The following NBAS variants were observed in gnomAD, a reference collection of about 807,000 sequenced individuals.
The protein encoded by NBAS is NAG/BC035112 fusion.
A neutral mutation model predicts 302.5 loss-of-function variants in NBAS; 219 were observed. That is an observed-to-expected ratio of 0.72 (90% CI 0.65 to 0.81). The LOEUF is 0.81. NBAS is among the 30% of genes least tolerant of loss of function. The pLI is 0.00. For missense variants in NBAS, 2,932 were observed against 2,841.6 expected (o/e 1.03, Z -0.72); for synonymous variants, 1,118 against 1,021.6 (o/e 1.09, Z -1.80).
intron 11 of NBAS, among the ~76,000 whole-genome samples, chr2:15,489,737 CTG>C (rs1199456876): frequency 6.6e-6 from 1 of 152,176 alleles, no homozygotes; most frequent in Non-Finnish European, 1.5e-5. Context: ...AATAACCTCT[CTG>C]TCTTTTCCTT....
At chr2:14,933,448 T>A in the NBAS span, among the ~76,000 whole-genome samples, 1 of 152,200 alleles carries the variant, frequency 6.6e-6, no homozygotes, top group Admixed American at 6.5e-5. Context: ...TGATGAATGT[T>A]CTGGGGCAAC....
chr2:14,807,747 T>C, the NBAS span, among the ~76,000 whole-genome samples: 3 of 152,222 alleles, frequency 2.0e-5, no homozygotes, highest in African/African-American at 7.2e-5. Flanking sequence ...ATCACAGTTC[T>C]GCCATTCAAT....
rs13384043 is a variant in NBAS, at chr2:15,512,937, T to C, written c.747-1587A>G. Among the ~76,000 whole-genome samples the C allele has an allele frequency of 8.8e-3, 1,340 of 152,334 alleles. 13 individuals are homozygous for C. Among genetic ancestry groups the C allele is most frequent in the African/African-American group, 0.03 (1,267 of 41,568 alleles). ...AAAACTCAGATGACCTGTCACACTC[T>C]AATGCCACTAAAAGCCCTCTTCTCA... On this transcript the variant is annotated intron_variant, in intron 9 of 51. Transcript: ENST00000281513.
intron 21 of NBAS, among the ~76,000 whole-genome samples, chr2:15,446,698 C>A (rs563452383): frequency 1.3e-5 from 2 of 151,990 alleles, no homozygotes; most frequent in African/African-American, 4.8e-5. Context: ...AAATGTATTA[C>A]GGAGTTCATA....
intron 38 of NBAS, among the ~76,000 whole-genome samples, chr2:15,327,509 G>A (rs900048352): frequency 6.6e-6 from 1 of 152,084 alleles, no homozygotes; most frequent in Non-Finnish European, 1.5e-5. Context: ...GTTAAAGATA[G>A]GAATGATATT....
intron 47 of NBAS, among the ~76,000 whole-genome samples, chr2:15,220,086 C>G (rs1572472445): frequency 6.8e-6 from 1 of 147,278 alleles, no homozygotes. Flanking sequence ...GGGGCTGACC[C>G]CCCCCACCTC....
the NBAS span, among the ~76,000 whole-genome samples, chr2:14,972,589 G>A: frequency 6.6e-6 from 1 of 152,124 alleles, no homozygotes; most frequent in African/African-American, 2.4e-5. Flanking sequence ...TTCACATGTG[G>A]TATTGAATTT....
intron 9 of NBAS, among the ~76,000 whole-genome samples, chr2:15,525,884 T>C (rs1215426518): frequency 2.0e-5 from 3 of 152,126 alleles, no homozygotes; most frequent in Non-Finnish European, 4.4e-5. Flanking sequence ...CACTTAAAAA[T>C]CTATACATAA....
At chr2:15,352,159 TA>T in intron 34 of NBAS, 78 bp from the exon 35 acceptor site, 1 of 989,138 alleles carries the variant, frequency 1.0e-6, no homozygotes. Context: ...GCTTGAAATT[TA>T]AAAAGTACTT....
the NBAS span, among the ~76,000 whole-genome samples, chr2:15,014,780 G>T: frequency 6.6e-6 from 1 of 151,682 alleles, no homozygotes. Context: ...GAAGGAAAGA[G>T]ATAATAAAGG....
chr2:15,105,486 A>AT, the NBAS span, among the ~76,000 whole-genome samples: 6 of 151,932 alleles, frequency 3.9e-5, no homozygotes, highest in Non-Finnish European at 8.8e-5. Flanking sequence ...AAAGAAAAAT[A>AT]TTTTTTATGT....
intron 9 of NBAS, among the ~76,000 whole-genome samples, chr2:15,533,347 C>CA (rs1663313799): frequency 6.6e-6 from 1 of 151,904 alleles, no homozygotes; most frequent in South Asian, 2.1e-4. Context: ...ATCTTTATAA[C>CA]AAAAAATTTA....
chr2:15,176,163 G>C (rs1182636041), intron 51 of NBAS, among the ~76,000 whole-genome samples: 1 of 152,220 alleles, frequency 6.6e-6, no homozygotes, highest in Non-Finnish European at 1.5e-5. Flanking sequence ...AAAACAGCTA[G>C]ACGTGAGTCG....
At chr2:15,545,159 C>T (rs1664045220) in intron 6 of NBAS, among the ~76,000 whole-genome samples, 1 of 152,092 alleles carries the variant, frequency 6.6e-6, no homozygotes, top group African/African-American at 2.4e-5. Flanking sequence ...TTTATGTTCT[C>T]TGGCAACAAA....
the NBAS span, among the ~76,000 whole-genome samples, chr2:15,050,415 A>G: frequency 1.9e-3 from 291 of 152,234 alleles, 3 homozygotes; most frequent in African/African-American, 6.8e-3. Context: ...TTAGAAGGGA[A>G]TGGAGTGCCT....
intron 10 of NBAS, among the ~76,000 whole-genome samples, chr2:15,507,739 G>A (rs1572945022): frequency 6.6e-6 from 1 of 152,176 alleles, no homozygotes; most frequent in African/African-American, 2.4e-5. Flanking sequence ...CCCATATGCA[G>A]CGAATCCCTT....
intron 35 of NBAS, among the ~76,000 whole-genome samples, chr2:15,350,603 A>G (rs1673308244): frequency 6.6e-6 from 1 of 152,200 alleles, no homozygotes; most frequent in African/African-American, 2.4e-5. Context: ...CCAGGATGGA[A>G]GATTCTGAAA....
intron 27 of NBAS, among the ~76,000 whole-genome samples, chr2:15,394,803 G>T (rs2148411821): frequency 6.6e-6 from 1 of 152,134 alleles, no homozygotes; most frequent in Non-Finnish European, 1.5e-5. Flanking sequence ...TCTCTGTCAA[G>T]AATCCATTTT....
chr2:15,100,280 TCTAC>T, the NBAS span, among the ~76,000 whole-genome samples: 1 of 152,288 alleles, frequency 6.6e-6, no homozygotes, highest in South Asian at 2.1e-4. Flanking sequence ...TAGTAACTGT[TCTAC>T]AGGATCACTG....
Sources: gnomAD v4.1 joint callset for allele counts (sites outside exome capture counted in the v4.1 genomes callset) on GRCh38, gnomAD v4.1.1 for gene constraint, MANE v1.5 for transcripts, NCBI Gene and HGNC (gene_info 2026-07-23, HGNC 2026-07-21) for gene names.